UCHL3: variants seen among roughly 807,000 people sequenced by gnomAD.
UCHL3 encodes the protein ubiquitin C-terminal hydrolase L3, also known as ubiquitin carboxyl-terminal hydrolase isozyme L3.
A neutral mutation model predicts 35.8 loss-of-function variants in UCHL3; 22 were observed. The observed-to-expected ratio is 0.61, with a 90% CI of 0.44 to 0.88. The LOEUF is 0.88. Among genes scored for constraint, UCHL3 ranks in the 40% least tolerant of loss-of-function variants. The probability of loss-of-function intolerance (pLI) is 0.00; values close to 1 mark genes in which losing one functional copy is unlikely to be tolerated. For missense variants in UCHL3, 229 were observed against 276.9 expected (o/e 0.83, Z 1.23); for synonymous variants, 90 against 92.8 (o/e 0.97, Z 0.17).
At chr13:75,605,013 G>C in intron 8 of UCHL3, 186 bp downstream of exon 8, 1 of 431,370 alleles carries the variant, frequency 2.3e-6, no homozygotes, top group Non-Finnish European at 4.0e-6. Flanking sequence ...GGTTTTCACA[G>C]CTCTATGAAC....
In UCHL3 at chr13:75,569,442, C is replaced by T. The variant is rs189878985; in HGVS notation, c.427-18C>T. ...GTATAGGCATTTTTTCCAATGAATA[C>T]CTTTATTCTTATTACAGGCCATCCG... On this transcript the variant is annotated intron_variant, in intron 5 of 8. Transcript: ENST00000377595. 8.2e-5 allele frequency: 131 copies of T among 1,599,306 alleles called. No homozygotes were observed. In the African/African-American group the frequency reaches 1.5e-3, roughly 18 times the overall value.
chr13:75,588,631 G>A (rs1308047348), intron 6 of UCHL3, among the ~76,000 whole-genome samples: 2 of 152,084 alleles, frequency 1.3e-5, no homozygotes, highest in East Asian at 3.8e-4. Flanking sequence ...TTAAAGGTTA[G>A]TATATTGTAT....
intron 6 of UCHL3, among the ~76,000 whole-genome samples, chr13:75,583,043 C>T (rs1291995311): frequency 4.6e-5 from 7 of 152,052 alleles, no homozygotes; most frequent in African/African-American, 1.4e-4. Context: ...ATAGTGCGTT[C>T]ATTTAGCATG....
intron 7 of UCHL3, among the ~76,000 whole-genome samples, chr13:75,598,757 C>G (rs2032705626): frequency 6.6e-6 from 1 of 152,172 alleles, no homozygotes; most frequent in South Asian, 2.1e-4. Context: ...AGTTTCTTCA[C>G]AATAAAGTTA....
intron 6 of UCHL3, among the ~76,000 whole-genome samples, chr13:75,574,142 T>C (rs1284646769): frequency 6.6e-6 from 1 of 151,562 alleles, no homozygotes; most frequent in Non-Finnish European, 1.5e-5. Context: ...GGCGTGAACC[T>C]GGGAGGCGGA....
rs114013146 is a variant in UCHL3, at chr13:75,604,572, A to G, written c.551-197A>G. ...ATGAAGATAATTTAGGCTTTCAAAT[A>G]TGGAAGCAAAGTTCTAACTAATAAC... On this transcript the variant is annotated intron_variant, in intron 7 of 8. Transcript: ENST00000377595. 8.7e-4 allele frequency: 344 copies of G among 394,102 alleles called. 2 individuals carry two copies. Among genetic ancestry groups the G allele is most frequent in the African/African-American group, 6.4e-3 (310 of 48,622 alleles). 24.4% of individuals were successfully genotyped at this position (394,102 alleles called of 1,614,324 possible). A position where few individuals can be genotyped will look rare whatever the true frequency, so the allele number is the denominator to read the frequency against.
At chr13:75,566,883 C>A in intron 4 of UCHL3, 32 bp downstream of exon 4, 1 of 1,564,618 alleles carries the variant, frequency 6.4e-7, no homozygotes, top group Non-Finnish European at 8.6e-7. Context: ...CATTTTTTCC[C>A]CCTTAAGATA....
upstream of UCHL3, chr13:75,549,670 G>A (rs2030998431): frequency 1.2e-6 from 1 of 819,272 alleles, no homozygotes; most frequent in Non-Finnish European, 1.8e-6. Flanking sequence ...CGGTTAAGAG[G>A]GTGAGAGGCC....
In UCHL3 at chr13:75,605,823, A is replaced by T. The variant is rs755549913; in HGVS notation, c.*11A>T. 1 of 1,613,524 alleles carries T rather than the reference A, an allele frequency of 6.2e-7. No homozygotes were observed. Among genetic ancestry groups the T allele is most frequent in the Admixed American group, 1.7e-5 (1 of 59,956 alleles). On this transcript the variant is annotated 3_prime_UTR_variant, in exon 9 of 9. Coordinates refer to ENST00000377595, the MANE Select transcript of UCHL3 (RefSeq NM_006002.5). ...CTTTCTGCAGCATAGCTTGTCAATA[A>T]TGGAAACACCAAAAACTGTATTATT...
chr13:75,570,238 C>CT (rs977569521), intron 6 of UCHL3, among the ~76,000 whole-genome samples: 12 of 151,492 alleles, frequency 7.9e-5, no homozygotes, highest in South Asian at 6.2e-4. Context: ...TGAAACCACA[C>CT]TTTTTTTTGT....
chr13:75,561,571 C>T (rs556213844), intron 3 of UCHL3, among the ~76,000 whole-genome samples: 1 of 151,410 alleles, frequency 6.6e-6, no homozygotes, highest in East Asian at 1.9e-4. Flanking sequence ...ATCTTCTTTG[C>T]TTATTTTAAG....
At chr13:75,569,211 C>A in intron 5 of UCHL3, 1 of 339,730 alleles carries the variant, frequency 2.9e-6, no homozygotes, top group East Asian at 4.8e-5. Context: ...CTACTTAGAG[C>A]CTGGAAATTA....
At chr13:75,585,230 A>G (rs575001348) in intron 6 of UCHL3, among the ~76,000 whole-genome samples, 84 of 152,208 alleles carry the variant, frequency 5.5e-4, no homozygotes, top group Non-Finnish European at 1.0e-3. Context: ...ATATATACCT[A>G]CTGAGATACA....
chr13:75,592,428 A>ATGTATATACG lies in UCHL3; in HGVS notation c.475-2486_475-2485insGTATATACGT, dbSNP rs1429030224. Reference sequence around the variant, plus strand: ...TAATTTTTCCTTCATATATATATATATATATATATATATATATATATATAT... The same window carrying ATGTATATACG: ...TAATTTTTCCTTCATATATATATATATGTATATACGTATATATATATATATATATATATAT... On this transcript the variant is annotated intron_variant, in intron 6 of 8. Coordinates refer to ENST00000377595, the MANE Select transcript of UCHL3 (RefSeq NM_006002.5). Among the ~76,000 whole-genome samples, 11 of 72,714 alleles carry ATGTATATACG rather than the reference A, an allele frequency of 1.5e-4. 1 individual carries two copies. The highest frequency in any genetic ancestry group is 5.2e-4 in the South Asian group (1 of 1,918). The allele number at this position is 72,714 out of a possible 152,430, so 47.7% of individuals were successfully genotyped here. A position where few individuals can be genotyped will look rare whatever the true frequency, so the allele number is the denominator to read the frequency against.
intron 7 of UCHL3, among the ~76,000 whole-genome samples, chr13:75,602,908 G>T (rs1175755302): frequency 6.6e-6 from 1 of 152,124 alleles, no homozygotes; most frequent in African/African-American, 2.4e-5. Context: ...TATAATAATT[G>T]AAATTAATTA....
At chr13:75,599,829 A>C (rs2032734497) in intron 7 of UCHL3, among the ~76,000 whole-genome samples, 1 of 152,222 alleles carries the variant, frequency 6.6e-6, no homozygotes, top group Non-Finnish European at 1.5e-5. Flanking sequence ...TCTCACTTTA[A>C]GTCAAAAACT....
intron 6 of UCHL3, among the ~76,000 whole-genome samples, chr13:75,575,856 A>T (rs1229063841): frequency 6.6e-6 from 1 of 152,060 alleles, no homozygotes; most frequent in Non-Finnish European, 1.5e-5. Context: ...GGTTCAAGCG[A>T]TTCCCCTGCC....
intron 6 of UCHL3, among the ~76,000 whole-genome samples, chr13:75,581,516 ATT>A (rs11330521): frequency 0.12 from 13,313 of 109,414 alleles, 898 homozygotes; most frequent in Non-Finnish European, 0.17. Context: ...CACCTGGCTA[ATT>A]TTTTTTTTTT....
chr13:75,597,897 C>T (rs569915555), intron 7 of UCHL3, among the ~76,000 whole-genome samples: 6 of 152,142 alleles, frequency 3.9e-5, no homozygotes, highest in Non-Finnish European at 8.8e-5. Context: ...ATGAAAAGGA[C>T]TGAGTTATTT....
Sources: gnomAD v4.1 joint callset for allele counts (sites outside exome capture counted in the v4.1 genomes callset) on GRCh38, gnomAD v4.1.1 for gene constraint, MANE v1.5 for transcripts, NCBI Gene and HGNC (gene_info 2026-07-23, HGNC 2026-07-21) for gene names.